Variants in GSPT1 observed in about 807,000 individuals in gnomAD.
GSPT1 encodes the protein G1 to S phase transition 1.
A neutral mutation model predicts 72.5 loss-of-function variants in GSPT1; 20 were observed. The observed-to-expected ratio is 0.28, with a 90% confidence interval of 0.19 to 0.40. The LOEUF is 0.40. GSPT1 is among the 10% of genes least tolerant of loss of function. GSPT1 has a pLI of 1.00. For missense variants in GSPT1, 580 were observed against 811.9 expected (o/e 0.71, Z 3.47); for synonymous variants, 334 against 293.5 (o/e 1.14, Z -1.41).
intron 9 of GSPT1, among the ~76,000 whole-genome samples, chr16:11,885,754 C>A (rs1306253118): frequency 6.6e-6 from 1 of 151,918 alleles, no homozygotes; most frequent in Non-Finnish European, 1.5e-5. Flanking sequence ...CAGCCGGGTG[C>A]GGTGGCATGT....
In GSPT1 at chr16:11,886,812, C is replaced by T. The variant is rs199814807; in HGVS notation, c.1077G>A (p.Lys359=). ...GVKHLIVLIN[K]MDDPTVNWSN... is the part of the protein sequence containing the mutation. The stretch of plus-strand genomic sequence containing the variant: ...TCCAATTTACTGTTGGATCATCCAT[C>T]TTATTAATTAGCACAATTAGGTGTT... Residue 359 remains lysine (K), a synonymous_variant, in exon 8 of 15, where the codon AAG becomes AAA. Coordinates refer to ENST00000434724, the MANE Select transcript of GSPT1 (RefSeq NM_002094.4). The T allele has an allele frequency of 4.4e-5, 71 of 1,613,706 alleles. No individual in the cohort carries two copies. In the East Asian group the frequency reaches 1.2e-3, roughly 28 times the overall value.
chr16:11,903,395 G>A (rs922711408), intron 1 of GSPT1, among the ~76,000 whole-genome samples: 7 of 152,100 alleles, frequency 4.6e-5, no homozygotes, highest in African/African-American at 1.7e-4. Flanking sequence ...TATAATCCCA[G>A]ATACTCAGGA....
In GSPT1 at chr16:11,911,854, A is replaced by ATTTTTTTTTTTTTT. The variant is rs1158026034; in HGVS notation, c.352+3501_352+3514dup. 5.9e-4 allele frequency among the ~76,000 whole-genome samples: 27 copies of ATTTTTTTTTTTTTT among 45,410 alleles called. 7 individuals carry two copies. Among genetic ancestry groups the ATTTTTTTTTTTTTT allele is most frequent in the South Asian group, 1.9e-3 (2 of 1,060 alleles). The allele number at this position is 45,410 out of a possible 152,430, so 29.8% of individuals were successfully genotyped here. Reference sequence around the variant, plus strand: ...GGCATGAGCCACTGCACCCAGCTGTATTTTTTTTTTTTTTTTTTTTTTTTT... The same window carrying ATTTTTTTTTTTTTT: ...GGCATGAGCCACTGCACCCAGCTGTATTTTTTTTTTTTTTTTTTTTTTTTTTTTTTTTTTTTTTT... On this transcript the variant is annotated intron_variant, in intron 1 of 14. Coordinates refer to ENST00000434724, the MANE Select transcript of GSPT1 (RefSeq NM_002094.4).
At chr16:11,888,136 C>A (rs1206079305) in intron 6 of GSPT1, among the ~76,000 whole-genome samples, 1 of 151,682 alleles carries the variant, frequency 6.6e-6, no homozygotes, top group African/African-American at 2.4e-5. Flanking sequence ...GCCTGGGCGA[C>A]AGAGCAAGGC....
chr16:11,886,731 C>G, intron 8 of GSPT1, 46 bp downstream of exon 8: 1 of 1,583,794 alleles, frequency 6.3e-7, no homozygotes, highest in Non-Finnish European at 8.6e-7. Flanking sequence ...AATAACAAAA[C>G]CATCCTTAAT....
chr16:11,870,355 T>C lies in GSPT1; in HGVS notation c.*2764A>G, dbSNP rs543374865. The C allele has an allele frequency of 3.9e-5, 6 of 152,344 alleles. No individual in the cohort carries two copies. The highest frequency in any genetic ancestry group is 3.9e-4 in the East Asian group (2 of 5,194). The allele number at this position is 152,344 out of a possible 1,614,324, so 9.4% of individuals were successfully genotyped here. A position where few individuals can be genotyped will look rare whatever the true frequency, so the allele number is the denominator to read the frequency against. ...ATTTCAATATTTCTTAAATTCACTTTATTAATTTAAAAAACTAAATAATCG... is the reference window on the plus strand; with the variant it reads ...ATTTCAATATTTCTTAAATTCACTTCATTAATTTAAAAAACTAAATAATCG... On this transcript the variant is annotated 3_prime_UTR_variant, in exon 15 of 15. Transcript: ENST00000434724.
In GSPT1 at chr16:11,902,324, G is replaced by A. The variant is rs184795256; in HGVS notation, c.353-4289C>T. Among the ~76,000 whole-genome samples, 185 of 145,692 alleles carry A rather than the reference G, an allele frequency of 1.3e-3. 1 individual carries two copies. Among genetic ancestry groups the A allele is most frequent in the African/African-American group, 4.6e-3 (179 of 39,324 alleles). ...ATGAACCCGGGAGGTGGAGCTGGCA[G>A]TGAGCCGAGATCGCACCACTGCACT... On this transcript the variant is annotated intron_variant, in intron 1 of 14. Coordinates refer to ENST00000434724, the MANE Select transcript of GSPT1 (RefSeq NM_002094.4).
intron 2 of GSPT1, 52 bp downstream of exon 2, chr16:11,897,942 T>C (rs2054360695): frequency 3.5e-6 from 5 of 1,434,966 alleles, no homozygotes; most frequent in Non-Finnish European, 4.8e-6. Flanking sequence ...TTACACACCA[T>C]ATAGACAACC....
intron 1 of GSPT1, among the ~76,000 whole-genome samples, chr16:11,899,500 G>T (rs1184378629): frequency 6.6e-6 from 1 of 151,988 alleles, no homozygotes; most frequent in African/African-American, 2.4e-5. Flanking sequence ...GGAGGGGATG[G>T]GGGCTACACC....
rs150685672 is a variant in GSPT1 at position 11,875,019 on chromosome 16, G to A, written c.1861+742C>T. Among the ~76,000 whole-genome samples, 331 of 152,186 alleles carry A rather than the reference G, an allele frequency of 2.2e-3. 1 individual carries two copies. Among genetic ancestry groups the A allele is most frequent in the African/African-American group, 5.9e-3 (243 of 41,518 alleles). On this transcript the variant is annotated intron_variant, in intron 14 of 14. Coordinates refer to ENST00000434724, the MANE Select transcript of GSPT1 (RefSeq NM_002094.4). ...ATCCTGGCTAACGTGGTGAAACCCC[G>A]TCTCTACAAAAATACAAAAAATTAG...
At position 11,888,792 on chromosome 16, in the gene GSPT1, G is replaced by T. The variant is rs561485318; in HGVS notation, c.777-1042C>A. 9.2e-5 allele frequency among the ~76,000 whole-genome samples: 14 copies of T among 152,184 alleles called. No homozygotes were observed. In the East Asian group the frequency reaches 2.7e-3, roughly 29 times the overall value. On this transcript the variant is annotated intron_variant, in intron 6 of 14. Transcript: ENST00000434724. ...ATAAATAAATAAAATAAAACTGAAA[G>T]AATGTATTATTTTGATTCAAACCCT...
chr16:11,886,784 T>C lies in GSPT1; in HGVS notation c.1105A>G (p.Asn369Asp), dbSNP rs1441270043. The C allele has an allele frequency of 6.2e-7, 1 of 1,613,590 alleles. No homozygotes were observed. The highest frequency in any genetic ancestry group is 8.5e-7 in the Non-Finnish European group (1 of 1,179,562). Reference protein sequence around the residue: ...KMDDPTVNWSNERYEECKEKL... With the variant: ...KMDDPTVNWSDERYEECKEKL... ...CCAGACATCTACGCTCACCTCTCAT[T>C]GCTCCAATTTACTGTTGGATCATCC... Residue 369 changes from asparagine (N) to aspartate (D), a missense_variant, in exon 8 of 15, where the codon AAT (asparagine) becomes GAT (aspartate). Around this residue, in one of 6 missense-constraint regions of GSPT1, gnomAD observed 34 missense variants for 62.0 expected, o/e 0.55. Transcript: ENST00000434724.
chr16:11,896,430 C>T (rs2054339711), intron 4 of GSPT1, 128 bp downstream of exon 4: 3 of 665,966 alleles, frequency 4.5e-6, no homozygotes, highest in Non-Finnish European at 7.6e-6. Flanking sequence ...TAAAAAAAAT[C>T]AGCAAGTTAA....
chr16:11,892,814 A>G (rs2054284157), intron 5 of GSPT1, among the ~76,000 whole-genome samples: 1 of 121,782 alleles, frequency 8.2e-6, no homozygotes, highest in South Asian at 3.1e-4. Context: ...AGCCTGGGCG[A>G]TAGAGATTCT....
intron 1 of GSPT1, among the ~76,000 whole-genome samples, chr16:11,911,771 C>A (rs2054560283): frequency 6.7e-6 from 1 of 150,182 alleles, no homozygotes; most frequent in Admixed American, 6.7e-5. Context: ...AGGCTGGTCT[C>A]GAACTCCTGA....
chr16:11,910,209 A>G (rs185066513), intron 1 of GSPT1, among the ~76,000 whole-genome samples: 22 of 152,358 alleles, frequency 1.4e-4, no homozygotes, highest in Admixed American at 3.9e-4. Flanking sequence ...AGGCATTCGC[A>G]AAGAACAGTG....
intron 1 of GSPT1, among the ~76,000 whole-genome samples, chr16:11,901,786 T>C (rs1186771736): frequency 1.3e-5 from 2 of 149,798 alleles, no homozygotes; most frequent in Non-Finnish European, 1.5e-5. Flanking sequence ...AGTGAGACCC[T>C]GTCTCAAAAA....
chr16:11,884,759 G>A (rs865795028), intron 10 of GSPT1, among the ~76,000 whole-genome samples: 94 of 89,060 alleles, frequency 1.1e-3, no homozygotes, highest in Middle Eastern at 0.01. Flanking sequence ...GTGAGACTCC[G>A]TCTCAAAAAA....
intron 9 of GSPT1, 135 bp downstream of exon 9, chr16:11,886,336 A>T (rs997579066): frequency 3.4e-6 from 2 of 587,804 alleles, no homozygotes; most frequent in Non-Finnish European, 2.9e-6. Flanking sequence ...GTTACATTTA[A>T]TATTTTCTTA....
Sources: allele counts gnomAD v4.1 joint callset (sites outside exome capture counted in the v4.1 genomes callset), GRCh38; gene constraint gnomAD v4.1.1; regional missense constraint gnomAD v4.1.1; transcripts MANE v1.5; gene names NCBI Gene and HGNC (gene_info 2026-07-23, HGNC 2026-07-21).